The following FAM227A variants were observed in gnomAD, a reference collection of about 807,000 sequenced individuals.
FAM227A encodes family with sequence similarity 227 member A.
A neutral mutation model predicts 74.7 loss-of-function variants in FAM227A; 80 were observed. The ratio of observed to expected loss-of-function variants is 1.07; its 90% CI spans 0.89 to 1.29. The LOEUF (loss-of-function observed/expected upper bound fraction) is 1.29. FAM227A is among the 50% of genes most tolerant of loss of function. The pLI is 0.00. For synonymous variants in FAM227A, 237 were observed against 241.8 expected (o/e 0.98, Z 0.19); for missense variants, 654 against 683.4 (o/e 0.96, Z 0.48).
At chr22:38,606,408 A>G (rs2091284905) in intron 12 of FAM227A, among the ~76,000 whole-genome samples, 1 of 152,186 alleles carries the variant, frequency 6.6e-6, no homozygotes, top group Admixed American at 6.6e-5. Context: ...GGCTCAAGCA[A>G]TCCTACTGCC....
intron 1 of FAM227A, chr22:38,653,866 G>C (rs2092354461): frequency 6.6e-6 from 1 of 152,180 alleles, no homozygotes; most frequent in Non-Finnish European, 1.5e-5. Context: ...ACCAGACTTG[G>C]TCCCTGCCCT....
intron 11 of FAM227A, among the ~76,000 whole-genome samples, chr22:38,610,192 AT>A (rs113735937): frequency 2.7e-5 from 4 of 149,060 alleles, no homozygotes; most frequent in Non-Finnish European, 4.5e-5. Context: ...TTAAAAAAAA[AT>A]TTTTTTTTTG....
intron 8 of FAM227A, 120 bp from the exon 9 acceptor site, chr22:38,626,423 G>A: frequency 8.0e-7 from 1 of 1,249,178 alleles, no homozygotes; most frequent in Non-Finnish European, 1.1e-6. Flanking sequence ...GTTGTTTAGA[G>A]ACAAGGTTCT....
At position 38,583,209 on chromosome 22, in the gene FAM227A, G is replaced by C; in HGVS notation, c.*2916C>G. 1 of 304,174 alleles carries C rather than the reference G, an allele frequency of 3.3e-6. No individual in the cohort carries two copies. Among genetic ancestry groups the C allele is most frequent in the Non-Finnish European group, 5.9e-6 (1 of 170,620 alleles). The allele number at this position is 304,174 out of a possible 1,614,324, so 18.8% of individuals were successfully genotyped here. A position where few individuals can be genotyped will look rare whatever the true frequency, so the allele number is the denominator to read the frequency against. On this transcript the variant is annotated 3_prime_UTR_variant, in exon 17 of 17. Transcript: ENST00000535113. ...TTTTTTGAGATGGAGTTTCACTCTTGTTACCCAGGCTGGAGTGCAATGGTG... is the reference window on the plus strand; with the variant it reads ...TTTTTTGAGATGGAGTTTCACTCTTCTTACCCAGGCTGGAGTGCAATGGTG...
At chr22:38,650,404 T>G (rs2092306946) in intron 1 of FAM227A, 142 bp from the exon 2 acceptor site, 1 of 517,094 alleles carries the variant, frequency 1.9e-6, no homozygotes, top group South Asian at 2.4e-5. Flanking sequence ...CTGAGAAGCC[T>G]ATTCTTAAAT....
chr22:38,603,456 C>T (rs2091219100), intron 13 of FAM227A, among the ~76,000 whole-genome samples: 1 of 150,886 alleles, frequency 6.6e-6, no homozygotes, highest in Non-Finnish European at 1.5e-5. Flanking sequence ...CCACTGCACT[C>T]CAGCCTGGGC....
intron 10 of FAM227A, among the ~76,000 whole-genome samples, chr22:38,621,265 G>A (rs942816893): frequency 4.7e-5 from 7 of 150,224 alleles, no homozygotes; most frequent in Non-Finnish European, 1.0e-4. Context: ...CTCAAGAATC[G>A]CTTGAACCTG....
At chr22:38,646,242 G>GTTTTTTTTTTTT (rs1569240853) in intron 2 of FAM227A, among the ~76,000 whole-genome samples, 1 of 125,144 alleles carries the variant, frequency 8.0e-6, no homozygotes, top group African/African-American at 3.1e-5. Context: ...TTTCCTTCCA[G>GTTTTTTTTTTTT]TATTTCTTTT....
At chr22:38,648,210 G>C (rs955512610) in intron 2 of FAM227A, among the ~76,000 whole-genome samples, 10 of 151,358 alleles carry the variant, frequency 6.6e-5, no homozygotes, top group African/African-American at 2.4e-4. Flanking sequence ...GGCCAGGGCA[G>C]TAAGATGCTG....
rs113593912 is a variant in FAM227A at position 38,620,203 on chromosome 22, C to A, written c.1038+9G>T. ...CCAAAGGGGTCCTGGTCCGTGCCTC[C>A]CCACTTACCTGAGGGTGGTAGAATT... On this transcript the variant is annotated intron_variant, in intron 11 of 16. Transcript: ENST00000535113. The A allele has an allele frequency of 1.7e-5, 27 of 1,548,334 alleles. 1 individual carries two copies. The South Asian group carries it at 3.2e-4, about 18-fold the overall frequency.
chr22:38,599,718 C>CG (rs1213789448), intron 14 of FAM227A, 46 bp downstream of exon 14: 12 of 1,499,768 alleles, frequency 8.0e-6, no homozygotes, highest in Non-Finnish European at 1.1e-5. Context: ...GAAGAGGACG[C>CG]GGGGGCCTGG....
At position 38,582,317 on chromosome 22, in the gene FAM227A, G is replaced by T; in HGVS notation, c.*3808C>A. ...CAATTCATAAGCAATTCAAAATCAGGACTATAGGATTTTAACTTCATCTCT... is the reference window on the plus strand; with the variant it reads ...CAATTCATAAGCAATTCAAAATCAGTACTATAGGATTTTAACTTCATCTCT... On this transcript the variant is annotated 3_prime_UTR_variant, in exon 17 of 17. Coordinates refer to ENST00000535113, the MANE Select transcript of FAM227A (RefSeq NM_001013647.2). 6.5e-7 allele frequency: 1 copy of T among 1,541,432 alleles called. No homozygotes were observed.
rs539523709 is a variant in FAM227A, at chr22:38,654,928, C to T, written c.-95+1192G>A. Reference sequence around the variant, plus strand: ...GTACCACTGCACACTCCAGCCTAGGCGACAGTGCGAGACTCCATCTAAAAT... The same window carrying T: ...GTACCACTGCACACTCCAGCCTAGGTGACAGTGCGAGACTCCATCTAAAAT... On this transcript the variant is annotated intron_variant, in intron 1 of 16. Transcript: ENST00000535113. Among the ~76,000 whole-genome samples the T allele has an allele frequency of 1.4e-4, 20 of 148,044 alleles. No homozygotes were observed. In the East Asian group the frequency reaches 2.6e-3, roughly 19 times the overall value.
In FAM227A at chr22:38,582,458, A is replaced by G. The variant is rs897689763; in HGVS notation, c.*3667T>C. The G allele has an allele frequency of 1.4e-5, 22 of 1,533,660 alleles. No homozygotes were observed. The highest frequency in any genetic ancestry group is 5.5e-5 in the African/African-American group (4 of 72,688). Reference sequence around the variant, plus strand: ...TTACTCATTTGCTTTATCCCACATTACAGCAAATGCTTTTTAAATGTTAGT... The same window carrying G: ...TTACTCATTTGCTTTATCCCACATTGCAGCAAATGCTTTTTAAATGTTAGT... On this transcript the variant is annotated 3_prime_UTR_variant, in exon 17 of 17. Transcript: ENST00000535113.
chr22:38,642,152 C>T (rs564037579), intron 3 of FAM227A, among the ~76,000 whole-genome samples: 45 of 152,258 alleles, frequency 3.0e-4, no homozygotes, highest in African/African-American at 1.1e-3. Flanking sequence ...AAATCAACAA[C>T]TCTTCTTAGA....
At chr22:38,588,567 C>T (rs1484329764) in intron 16 of FAM227A, among the ~76,000 whole-genome samples, 8 of 143,052 alleles carry the variant, frequency 5.6e-5, no homozygotes, top group South Asian at 4.5e-4. Context: ...TGCAGTGAGC[C>T]GAGATTGCAC....
In FAM227A at chr22:38,581,397, A is replaced by C. The variant is rs1337720885; in HGVS notation, c.*4728T>G. The stretch of plus-strand genomic sequence containing the variant: ...CAGTCTGGGTCACTGCTGCCGGGTC[A>C]GTCTTTATTTCTAGGTCATTTCAGT... On this transcript the variant is annotated 3_prime_UTR_variant, in exon 17 of 17. Transcript: ENST00000535113. 1 of 152,234 alleles carries C rather than the reference A, an allele frequency of 6.6e-6. No homozygotes were observed. The highest frequency in any genetic ancestry group is 1.5e-5 in the Non-Finnish European group (1 of 68,052). 9.4% of individuals were successfully genotyped at this position (152,234 alleles called of 1,614,324 possible).
chr22:38,592,244 G>C (rs2146153140), intron 15 of FAM227A, among the ~76,000 whole-genome samples: 3 of 152,232 alleles, frequency 2.0e-5, no homozygotes, highest in Middle Eastern at 6.8e-3. Context: ...ACTGCGCCCA[G>C]CAACAGTATC....
intron 11 of FAM227A, among the ~76,000 whole-genome samples, chr22:38,615,681 C>A (rs1007243325): frequency 2.0e-5 from 3 of 152,174 alleles, no homozygotes; most frequent in Admixed American, 1.3e-4. Context: ...TACGGCACTG[C>A]AAGTCAGGTG....
Sources: allele counts gnomAD v4.1 joint callset (sites outside exome capture counted in the v4.1 genomes callset), GRCh38; gene constraint gnomAD v4.1.1; transcripts MANE v1.5; gene names NCBI Gene and HGNC (gene_info 2026-07-23, HGNC 2026-07-21).